EHMT1: variants seen among roughly 807,000 people sequenced by gnomAD.
EHMT1 encodes euchromatic histone lysine methyltransferase 1, also known as histone-lysine N-methyltransferase EHMT1.
A neutral mutation model predicts 147.2 loss-of-function variants in EHMT1; 15 were observed. The observed-to-expected ratio is 0.10, with a 90% CI of 0.07 to 0.16. The LOEUF (loss-of-function observed/expected upper bound fraction) is 0.16, where lower values mean the gene tolerates loss of function less well. Ranked by LOEUF, EHMT1 falls within the 10% of genes least tolerant of loss-of-function variation. EHMT1 has a pLI of 1.00. For synonymous variants in EHMT1, 795 were observed against 709.6 expected (o/e 1.12, Z -1.91); for missense variants, 1,587 against 1,772.4 (o/e 0.90, Z 1.88).
At chr9:137,832,620 C>T (rs558026985) in intron 25 of EHMT1, 1 of 155,804 alleles carries the variant, frequency 6.4e-6, no homozygotes, top group Admixed American at 6.5e-5. Flanking sequence ...CCCACGTTGC[C>T]TATCTGCCTT....
At chr9:137,721,606 C>T (rs1458053014) in intron 3 of EHMT1, among the ~76,000 whole-genome samples, 3 of 147,416 alleles carry the variant, frequency 2.0e-5, no homozygotes, top group Non-Finnish European at 4.5e-5. Context: ...GTCACCCTCT[C>T]CTACATCTCT....
chr9:137,765,111 A>G (rs1345223425), intron 10 of EHMT1, among the ~76,000 whole-genome samples: 2 of 152,370 alleles, frequency 1.3e-5, no homozygotes, highest in African/African-American at 2.4e-5. Context: ...CTTGGTGACC[A>G]CTGCCTGCAT....
intron 1 of EHMT1, among the ~76,000 whole-genome samples, chr9:137,694,371 A>C (rs1943219545): frequency 6.8e-6 from 1 of 147,508 alleles, no homozygotes; most frequent in Admixed American, 6.8e-5. Context: ...ATGGTGCTGG[A>C]CTCTGGCCGA....
rs747568041 is a variant in EHMT1 at position 137,744,064 on chromosome 9, A to G, written c.1144A>G (p.Met382Val). ...TEDSRTSKES[M>V]SEADRAQKMD... ...GGACAGCAGGACTTCCAAGGAGAGC[A>G]TGTCGGAGGCTGATCGCGCCCAGAA... Residue 382 changes from methionine (M) to valine (V), a missense_variant, in exon 6 of 27, where the codon ATG (methionine) becomes GTG (valine). Around this residue, in one of 7 missense-constraint regions of EHMT1, gnomAD observed 810 missense variants for 673.0 expected, o/e 1.20. Transcript: ENST00000460843. 4 of 1,614,136 alleles carry G rather than the reference A, an allele frequency of 2.5e-6. No individual in the cohort carries two copies. Among genetic ancestry groups the G allele is most frequent in the Admixed American group, 1.7e-5 (1 of 60,030 alleles).
At chr9:137,770,311 G>T (rs778152138) in intron 10 of EHMT1, among the ~76,000 whole-genome samples, 3 of 152,026 alleles carry the variant, frequency 2.0e-5, no homozygotes, top group Admixed American at 2.0e-4. Context: ...GTTCTTCCTT[G>T]TTGAGTATAC....
At chr9:137,762,982 A>G in intron 10 of EHMT1, 162 bp downstream of exon 10, 1 of 873,786 alleles carries the variant, frequency 1.1e-6, no homozygotes, top group Non-Finnish European at 1.8e-6. Flanking sequence ...CCAACAGTGA[A>G]ATCACGGCAG....
chr9:137,660,647 GA>G, intron 1 of EHMT1, among the ~76,000 whole-genome samples: 1 of 152,168 alleles, frequency 6.6e-6, no homozygotes, highest in Non-Finnish European at 1.5e-5. Flanking sequence ...AATTTTGTGT[GA>G]ATCCACATCT....
At position 137,817,355 on chromosome 9, in the gene EHMT1, C is replaced by T. The variant is rs577132601; in HGVS notation, c.3375-84C>T. 1.5e-5 allele frequency: 22 copies of T among 1,474,842 alleles called. 1 individual carries two copies. Among genetic ancestry groups the T allele is most frequent in the African/African-American group, 9.6e-5 (7 of 72,598 alleles). 91.4% of individuals were successfully genotyped at this position (1,474,842 alleles called of 1,614,324 possible). On this transcript the variant is annotated intron_variant, in intron 23 of 26. Transcript: ENST00000460843. ...CCAGTTTTCTTCCTCATTTCAGTGA[C>T]GTGGCACCAGCTGGCTTTTGCTGAC... is the stretch of plus-strand genomic sequence containing the variant.
chr9:137,762,553 T>TCAAC, intron 9 of EHMT1, 122 bp from the exon 10 acceptor site: 1 of 1,529,370 alleles, frequency 6.5e-7, no homozygotes, highest in Non-Finnish European at 8.9e-7. Context: ...TGCTGGGTAA[T>TCAAC]CAACCGCATT....
chr9:137,766,733 CTT>C (rs773477241), intron 10 of EHMT1, among the ~76,000 whole-genome samples: 18 of 152,340 alleles, frequency 1.2e-4, no homozygotes, highest in East Asian at 9.6e-4. Context: ...ATTTTCTACA[CTT>C]TTGCTTTTAG....
In EHMT1 at chr9:137,817,523, CGAGT is replaced by C; in HGVS notation, c.3461+7_3461+10del. On this transcript the variant is annotated splice_donor_variant and coding_sequence_variant, in exon 24 of 27. Coordinates refer to ENST00000460843, the MANE Select transcript of EHMT1 (RefSeq NM_024757.5). LOFTEE classifies it high-confidence loss of function. ...ACATCCCACCAGGCACCTTTGTCTG[CGAGT>C]GAGTGAGTCCCTGGGTCACCCCAAG... 1 of 1,614,154 alleles carries C rather than the reference CGAGT, an allele frequency of 6.2e-7. No homozygotes were observed. The highest frequency in any genetic ancestry group is 8.5e-7 in the Non-Finnish European group (1 of 1,180,018).
chr9:137,817,990 C>A, intron 24 of EHMT1, 70 bp from the exon 25 acceptor site: 2 of 1,460,892 alleles, frequency 1.4e-6, no homozygotes, highest in Non-Finnish European at 1.9e-6. Context: ...GCTGCGGAGT[C>A]TGGGCTGTGC....
At chr9:137,780,252 T>C (rs1318977533) in intron 14 of EHMT1, among the ~76,000 whole-genome samples, 1 of 143,260 alleles carries the variant, frequency 7.0e-6, no homozygotes, top group Non-Finnish European at 1.5e-5. Context: ...TGTGTGGTGA[T>C]GACGCTGGGA....
At chr9:137,703,552 G>A (rs1457095448) in intron 1 of EHMT1, among the ~76,000 whole-genome samples, 1 of 152,128 alleles carries the variant, frequency 6.6e-6, no homozygotes, top group Admixed American at 6.5e-5. Flanking sequence ...AAGTTCCACA[G>A]ATCCTTAGAG....
At chr9:137,767,243 T>C (rs905421823) in intron 10 of EHMT1, among the ~76,000 whole-genome samples, 1 of 152,202 alleles carries the variant, frequency 6.6e-6, no homozygotes, top group South Asian at 2.1e-4. Flanking sequence ...CCTCAGCCTC[T>C]TGAGTAGCTG....
rs115968668 is a variant in EHMT1 at position 137,688,693 on chromosome 9, A to G, written c.22-22274A>G. Among the ~76,000 whole-genome samples, 264 of 152,380 alleles carry G rather than the reference A, an allele frequency of 1.7e-3. 2 individuals are homozygous for G. Among genetic ancestry groups the G allele is most frequent in the African/African-American group, 5.8e-3 (242 of 41,594 alleles). On this transcript the variant is annotated intron_variant, in intron 1 of 26. Transcript: ENST00000460843. ...TTAATAGATTGTCCAACCGCTATCC[A>G]CTTGATTACCATCACTTAGCAGTGC...
chr9:137,768,458 A>AT (rs1416873978), intron 10 of EHMT1, among the ~76,000 whole-genome samples: 1 of 128,862 alleles, frequency 7.8e-6, no homozygotes, highest in Non-Finnish European at 1.6e-5. Flanking sequence ...GGTTCAAGCG[A>AT]TTCTTTTGCC....
At chr9:137,768,924 T>C (rs1207490765) in intron 10 of EHMT1, among the ~76,000 whole-genome samples, 2 of 151,998 alleles carry the variant, frequency 1.3e-5, no homozygotes, top group Non-Finnish European at 2.9e-5. Flanking sequence ...TGAGCTCAGG[T>C]GATCTGCCCG....
At chr9:137,831,142 CCAAAGCCTCA>C (rs1689436868) in intron 25 of EHMT1, among the ~76,000 whole-genome samples, 1 of 152,160 alleles carries the variant, frequency 6.6e-6, no homozygotes, top group Non-Finnish European at 1.5e-5. Flanking sequence ...AATCGCTTTC[CCAAAGCCTCA>C]CCCTAACCTT....
Sources: allele counts gnomAD v4.1 joint callset (sites outside exome capture counted in the v4.1 genomes callset), GRCh38; gene constraint gnomAD v4.1.1; regional missense constraint gnomAD v4.1.1; transcripts MANE v1.5; gene names NCBI Gene and HGNC (gene_info 2026-07-23, HGNC 2026-07-21).